The following MTMR12 variants were observed in gnomAD, a reference collection of about 807,000 sequenced individuals.
The protein encoded by MTMR12 is myotubularin related protein 12, also known as myotubularin-related protein 12.
Under a neutral mutation model 96.7 loss-of-function variants are expected in MTMR12, and 33 were observed. The ratio of observed to expected loss-of-function variants is 0.34; its 90% CI spans 0.26 to 0.46. The LOEUF (loss-of-function observed/expected upper bound fraction) is 0.46. Among genes scored for constraint, MTMR12 ranks in the 20% least tolerant of loss-of-function variants. The probability of loss-of-function intolerance (pLI) is 1.00; values close to 1 mark genes in which losing one functional copy is unlikely to be tolerated. For missense variants in MTMR12, 721 were observed against 896.1 expected (o/e 0.80, Z 2.49); for synonymous variants, 298 against 327.2 (o/e 0.91, Z 0.96).
intron 1 of MTMR12, among the ~76,000 whole-genome samples, chr5:32,303,411 TC>T (rs930842634): frequency 6.6e-6 from 1 of 151,834 alleles, no homozygotes; most frequent in African/African-American, 2.4e-5. Flanking sequence ...AGCACTGTAC[TC>T]CCCCCCAGAA....
At chr5:32,236,281 C>T (rs1216501230) in intron 13 of MTMR12, among the ~76,000 whole-genome samples, 1 of 152,148 alleles carries the variant, frequency 6.6e-6, no homozygotes, top group Non-Finnish European at 1.5e-5. Flanking sequence ...GGCGCAGTGG[C>T]TCATGTGTGT....
At chr5:32,242,387 A>G (rs1748512427) in intron 11 of MTMR12, among the ~76,000 whole-genome samples, 1 of 152,182 alleles carries the variant, frequency 6.6e-6, no homozygotes, top group South Asian at 2.1e-4. Flanking sequence ...GGTAATTTCT[A>G]AACTAGACAT....
chr5:32,244,419 G>A (rs773822480), intron 10 of MTMR12, among the ~76,000 whole-genome samples: 22 of 151,896 alleles, frequency 1.4e-4, no homozygotes, highest in African/African-American at 2.2e-4. Flanking sequence ...GAGAAACCCC[G>A]TCTCTACTAA....
chr5:32,279,417 C>T lies in MTMR12; in HGVS notation c.82-2675G>A, dbSNP rs139460915. Among the ~76,000 whole-genome samples, 113 of 151,868 alleles carry T rather than the reference C, an allele frequency of 7.4e-4. No homozygotes were observed. In the East Asian group the frequency reaches 0.012, roughly 16 times the overall value. On this transcript the variant is annotated intron_variant, in intron 1 of 15. Transcript: ENST00000382142. ...CCTGAGAAACAGAGCAAAACCGTGT[C>T]TCAAAAAAAAAAGTTACTAACCAAG... is the stretch of plus-strand genomic sequence containing the variant.
intron 1 of MTMR12, among the ~76,000 whole-genome samples, chr5:32,290,919 C>T (rs1467536117): frequency 6.6e-6 from 1 of 152,218 alleles, no homozygotes; most frequent in African/African-American, 2.4e-5. Context: ...GGTCAAGTCA[C>T]CATGCGACCT....
chr5:32,229,663 C>T lies in MTMR12; in HGVS notation c.*115G>A. On this transcript the variant is annotated 3_prime_UTR_variant, in exon 16 of 16. Transcript: ENST00000382142. ...CTTTTCCCGAAGGCCCAGGTTTATT[C>T]TAACGGAGTGCCGGGCTAAGGACCC... The T allele has an allele frequency of 9.9e-7, 1 of 1,005,182 alleles. No homozygotes were observed. Among genetic ancestry groups the T allele is most frequent in the Non-Finnish European group, 1.4e-6 (1 of 731,058 alleles). The allele number at this position is 1,005,182 out of a possible 1,614,324, so 62.3% of individuals were successfully genotyped here.
intron 7 of MTMR12, among the ~76,000 whole-genome samples, chr5:32,258,902 CA>C (rs5867141): frequency 0.41 from 37,033 of 90,782 alleles, 4,743 homozygotes; most frequent in Middle Eastern, 0.51. Context: ...TGGTCTTTCA[CA>C]AAAAAAAAAA....
At chr5:32,300,157 G>C (rs1751085011) in intron 1 of MTMR12, among the ~76,000 whole-genome samples, 1 of 152,120 alleles carries the variant, frequency 6.6e-6, no homozygotes, top group African/African-American at 2.4e-5. Context: ...CTTAGCAAAT[G>C]GTAGATACAT....
chr5:32,279,496 A>G (rs1750200015), intron 1 of MTMR12, among the ~76,000 whole-genome samples: 2 of 152,342 alleles, frequency 1.3e-5, no homozygotes, highest in East Asian at 3.9e-4. Context: ...CTATGTACCA[A>G]TTCTAACAAA....
intron 10 of MTMR12, among the ~76,000 whole-genome samples, chr5:32,246,139 C>T (rs1351274698): frequency 1.3e-5 from 2 of 150,006 alleles, no homozygotes. Flanking sequence ...CTGATCTGGG[C>T]ACAATGGTTT....
chr5:32,298,079 G>A (rs74692494), intron 1 of MTMR12, among the ~76,000 whole-genome samples: 2,241 of 152,350 alleles, frequency 0.015, 38 homozygotes, highest in East Asian at 0.071. Flanking sequence ...GGGGCAAGAA[G>A]CGTGGAGGGC....
rs538786910 is a variant in MTMR12 at position 32,282,172 on chromosome 5, G to A, written c.82-5430C>T. Among the ~76,000 whole-genome samples the A allele has an allele frequency of 7.2e-5, 11 of 152,186 alleles. No individual in the cohort carries two copies. The South Asian group carries it at 1.9e-3, about 26-fold the overall frequency. ...GCGAGGCGGACGGATCACGAGGTCA[G>A]GAGATCGAGATCATCCTGGCTAACA... On this transcript the variant is annotated intron_variant, in intron 1 of 15. Transcript: ENST00000382142.
chr5:32,243,803 T>G (rs972704245), intron 10 of MTMR12, among the ~76,000 whole-genome samples: 1 of 152,150 alleles, frequency 6.6e-6, no homozygotes, highest in African/African-American at 2.4e-5. Context: ...CCTAGAAGAT[T>G]GTGGTGGTCA....
In MTMR12 at chr5:32,233,667, T is replaced by A; in HGVS notation, c.1674+106A>T. On this transcript the variant is annotated intron_variant, in intron 15 of 15. Coordinates refer to ENST00000382142, the MANE Select transcript of MTMR12 (RefSeq NM_001040446.3). The surrounding 1 kb of genome is among the most constrained non-coding windows in gnomAD (Gnocchi z 5.0). The stretch of plus-strand genomic sequence containing the variant: ...CACAAGTCTCAACTCTGCAGACTGC[T>A]TCGAGGGGTAGAAAATGCTGGCAGA... The A allele has an allele frequency of 6.7e-7, 1 of 1,487,736 alleles. No homozygotes were observed. Among genetic ancestry groups the A allele is most frequent in the South Asian group, 1.2e-5 (1 of 80,958 alleles). 92.2% of individuals were successfully genotyped at this position (1,487,736 alleles called of 1,614,324 possible).
intron 1 of MTMR12, among the ~76,000 whole-genome samples, chr5:32,297,115 A>G (rs1041922468): frequency 6.6e-6 from 1 of 151,984 alleles, no homozygotes; most frequent in African/African-American, 2.4e-5. Context: ...AAAAAAAAAA[A>G]AAAGATATAA....
At chr5:32,287,009 T>C (rs1250115275) in intron 1 of MTMR12, among the ~76,000 whole-genome samples, 1 of 152,170 alleles carries the variant, frequency 6.6e-6, no homozygotes, top group Non-Finnish European at 1.5e-5. Flanking sequence ...AAATGTGCTA[T>C]ATGTTAGAGG....
chr5:32,269,273 T>C (rs1353604634), intron 5 of MTMR12, among the ~76,000 whole-genome samples: 1 of 151,522 alleles, frequency 6.6e-6, no homozygotes. Flanking sequence ...CTGATCTACC[T>C]GCCTCAGCCT....
rs149746480 is a variant in MTMR12, at chr5:32,234,424, A to G, written c.1513-490T>C. On this transcript the variant is annotated intron_variant, in intron 14 of 15. Transcript: ENST00000382142. ...TGGGGGCACAGTCCAGGAAGGGCCA[A>G]AAGGGTTAAGATGGAAGGAAAAGGC... 3.9e-5 allele frequency among the ~76,000 whole-genome samples: 6 copies of G among 152,348 alleles called. No individual in the cohort carries two copies. The East Asian group carries it at 1.2e-3, about 29-fold the overall frequency.
At chr5:32,250,164 T>G (rs1426110182) in intron 8 of MTMR12, among the ~76,000 whole-genome samples, 1 of 152,092 alleles carries the variant, frequency 6.6e-6, no homozygotes, top group Non-Finnish European at 1.5e-5. Flanking sequence ...GGTTCGGGAT[T>G]TCTGGGGAAG....
Sources: allele counts gnomAD v4.1 joint callset (sites outside exome capture counted in the v4.1 genomes callset), GRCh38; gene constraint gnomAD v4.1.1; non-coding constraint Gnocchi (gnomAD v3.1); transcripts MANE v1.5; gene names NCBI Gene and HGNC (gene_info 2026-07-23, HGNC 2026-07-21).